The following MAGI1 variants were observed in gnomAD, a reference collection of about 807,000 sequenced individuals.
The protein encoded by MAGI1 is membrane-associated guanylate kinase, WW and PDZ domain-containing protein 1.
A neutral mutation model predicts 139.9 loss-of-function variants in MAGI1; 58 were observed. The ratio of observed to expected loss-of-function variants is 0.41; its 90% CI spans 0.34 to 0.52. MAGI1 has a LOEUF of 0.52. Ranked by LOEUF, MAGI1 falls within the 20% of genes least tolerant of loss-of-function variation. The pLI is 0.12. For synonymous variants in MAGI1, 812 were observed against 737.9 expected (o/e 1.10, Z -1.63); for missense variants, 1,874 against 1,901.6 (o/e 0.99, Z 0.27).
chr3:65,466,750 A>G (rs1950198977), intron 5 of MAGI1, among the ~76,000 whole-genome samples: 1 of 152,184 alleles, frequency 6.6e-6, no homozygotes, highest in African/African-American at 2.4e-5. Context: ...CACTAAATCT[A>G]TGTGGAAATA....
intron 1 of MAGI1, among the ~76,000 whole-genome samples, chr3:65,904,605 C>A (rs1401585408): frequency 3.3e-5 from 5 of 152,192 alleles, no homozygotes; most frequent in Non-Finnish European, 5.9e-5. Context: ...ATCCCTCAGC[C>A]CAGAATGCCC....
At chr3:65,971,327 T>C (rs1285896242) in intron 1 of MAGI1, among the ~76,000 whole-genome samples, 1 of 152,220 alleles carries the variant, frequency 6.6e-6, no homozygotes. Context: ...CTTAAGAGTC[T>C]ATGGATTATG....
At chr3:65,663,195 G>C (rs1380999797) in intron 1 of MAGI1, among the ~76,000 whole-genome samples, 1 of 152,204 alleles carries the variant, frequency 6.6e-6, no homozygotes, top group Non-Finnish European at 1.5e-5. Flanking sequence ...CCTGGGAAGT[G>C]GAAACGCAAA....
intron 2 of MAGI1, among the ~76,000 whole-genome samples, chr3:65,581,937 T>C (rs1354005449): frequency 3.3e-5 from 5 of 152,140 alleles, no homozygotes; most frequent in African/African-American, 4.8e-5. Flanking sequence ...AGGAACATAG[T>C]AGATGTTTGA....
intron 1 of MAGI1, among the ~76,000 whole-genome samples, chr3:65,888,240 T>C (rs2060607586): frequency 6.6e-6 from 1 of 152,084 alleles, no homozygotes; most frequent in South Asian, 2.1e-4. Context: ...GGACTTAAAA[T>C]CTAAGAAGCC....
chr3:65,596,073 T>A (rs1233827719), intron 2 of MAGI1, among the ~76,000 whole-genome samples: 1 of 152,276 alleles, frequency 6.6e-6, no homozygotes, highest in East Asian at 1.9e-4. Flanking sequence ...GCAAGTTAAA[T>A]CACGAAAAGA....
At chr3:65,945,691 C>G (rs185792259) in intron 1 of MAGI1, among the ~76,000 whole-genome samples, 5 of 152,352 alleles carry the variant, frequency 3.3e-5, no homozygotes, top group Admixed American at 6.5e-5. Context: ...TATCTCACTT[C>G]CGATTTCTGT....
intron 1 of MAGI1, among the ~76,000 whole-genome samples, chr3:66,005,012 T>C (rs1415011878): frequency 1.3e-5 from 2 of 152,236 alleles, no homozygotes; most frequent in Non-Finnish European, 2.9e-5. Context: ...TCTGATTTAA[T>C]GTACAAGAGT....
intron 5 of MAGI1, among the ~76,000 whole-genome samples, chr3:65,454,553 AAT>A (rs1949260943): frequency 6.9e-6 from 1 of 145,608 alleles, no homozygotes; most frequent in East Asian, 2.0e-4. Flanking sequence ...TAATAATAAT[AAT>A]AAAAAAATAC....
intron 1 of MAGI1, among the ~76,000 whole-genome samples, chr3:65,754,356 A>G (rs2036394438): frequency 6.6e-6 from 1 of 152,216 alleles, no homozygotes; most frequent in African/African-American, 2.4e-5. Context: ...AGGAAAAAAT[A>G]ACTATCTAAA....
At chr3:65,688,849 T>C (rs752729058) in intron 1 of MAGI1, among the ~76,000 whole-genome samples, 3 of 152,190 alleles carry the variant, frequency 2.0e-5, no homozygotes, top group African/African-American at 4.8e-5. Context: ...AGGGAACACA[T>C]TGAAAATATT....
chr3:65,630,572 C>A (rs1194029536), intron 1 of MAGI1, among the ~76,000 whole-genome samples: 1 of 152,104 alleles, frequency 6.6e-6, no homozygotes, highest in Non-Finnish European at 1.5e-5. Context: ...TTGCAGCAAC[C>A]TAGATGAAGC....
At chr3:65,572,078 C>T (rs980475348) in intron 2 of MAGI1, among the ~76,000 whole-genome samples, 2 of 151,902 alleles carry the variant, frequency 1.3e-5, no homozygotes, top group Non-Finnish European at 2.9e-5. Flanking sequence ...ATGTGAAAAA[C>T]GAGGAAGGTA....
chr3:65,651,487 T>C (rs1305365057), intron 1 of MAGI1, among the ~76,000 whole-genome samples: 4 of 152,184 alleles, frequency 2.6e-5, no homozygotes, highest in Non-Finnish European at 4.4e-5. Flanking sequence ...TTGATGGTCA[T>C]GGTGGTTAGC....
chr3:65,952,750 C>T (rs1380331227), intron 1 of MAGI1, among the ~76,000 whole-genome samples: 1 of 152,126 alleles, frequency 6.6e-6, no homozygotes, highest in African/African-American at 2.4e-5. Context: ...GGAGGTGGAG[C>T]TTGCAGTGAG....
At chr3:65,988,354 T>G (rs995448720) in intron 1 of MAGI1, among the ~76,000 whole-genome samples, 3 of 152,150 alleles carry the variant, frequency 2.0e-5, no homozygotes, top group Non-Finnish European at 2.9e-5. Flanking sequence ...CTGGCCCCAG[T>G]GAAGGGGGTT....
intron 1 of MAGI1, among the ~76,000 whole-genome samples, chr3:65,699,518 A>G (rs1283713106): frequency 2.1e-5 from 3 of 141,260 alleles, no homozygotes; most frequent in Non-Finnish European, 3.1e-5. Flanking sequence ...AAAATGTGGC[A>G]CATATACACC....
chr3:65,427,885 A>T (rs373635065), intron 12 of MAGI1, among the ~76,000 whole-genome samples: 2 of 152,200 alleles, frequency 1.3e-5, no homozygotes, highest in South Asian at 4.1e-4. Context: ...GTCATTTCCT[A>T]CTACATACAT....
intron 4 of MAGI1, among the ~76,000 whole-genome samples, chr3:65,477,546 G>A (rs942283887): frequency 2.0e-5 from 3 of 152,146 alleles, no homozygotes; most frequent in South Asian, 2.1e-4. Flanking sequence ...CAAGGTGTTC[G>A]TCTAATCCAC....
Sources: allele counts gnomAD v4.1 joint callset (sites outside exome capture counted in the v4.1 genomes callset), GRCh38; gene constraint gnomAD v4.1.1; transcripts MANE v1.5; gene names NCBI Gene and HGNC (gene_info 2026-07-23, HGNC 2026-07-21).